The following PRKN variants were observed in gnomAD, a reference collection of about 807,000 sequenced individuals.
PRKN encodes parkin RBR E3 ubiquitin protein ligase.
A neutral mutation model predicts 59.5 loss-of-function variants in PRKN; 56 were observed. The observed-to-expected ratio is 0.94, with a 90% CI of 0.76 to 1.18. The LOEUF (loss-of-function observed/expected upper bound fraction) is 1.18. Among genes scored for constraint, PRKN ranks in the 50% most tolerant of loss-of-function variants. PRKN has a pLI of 0.00. For missense variants in PRKN, 657 were observed against 596.4 expected, an observed-to-expected ratio of 1.10 and a Z score of -1.06; for synonymous variants, 250 against 222.1, an observed-to-expected ratio of 1.13 and a Z score of -1.12.
intron 1 of PRKN, among the ~76,000 whole-genome samples, chr6:162,591,857 G>A (rs1397952117): frequency 6.7e-6 from 1 of 148,474 alleles, no homozygotes; most frequent in Non-Finnish European, 1.5e-5. Context: ...GTGATATTCT[G>A]ACCCACATTC....
In PRKN at chr6:161,498,019, T is replaced by G. The variant is rs1213541545; in HGVS notation, c.1083+50835A>C. Among the ~76,000 whole-genome samples the G allele has an allele frequency of 6.6e-6, 1 of 152,226 alleles. No individual in the cohort carries two copies. The highest frequency in any genetic ancestry group is 1.5e-5 in the Non-Finnish European group (1 of 68,042). On this transcript the variant is annotated intron_variant, in intron 9 of 11. Transcript: ENST00000366898. The surrounding 1 kb of genome is among the most constrained non-coding windows in gnomAD (Gnocchi z 4.2). ...GCTTCCATGAGGGGATATTTGTTCT[T>G]CAATAGATGGGTCTAATTTTCCACA... is the stretch of plus-strand genomic sequence containing the variant.
At chr6:162,475,443 G>C (rs4709626) in intron 1 of PRKN, among the ~76,000 whole-genome samples, 1 of 151,482 alleles carries the variant, frequency 6.6e-6, no homozygotes, top group African/African-American at 2.4e-5. Flanking sequence ...GAAACTTGGA[G>C]GAGGAACAAA....
rs968770688 is a variant in PRKN, at chr6:161,347,583, T to A, written c.*2516A>T. ...TGTGCAAATAATACTGTGATTCATG[T>A]TCATGTGTAGTGGATGATCTTGCTT... is the stretch of plus-strand genomic sequence containing the variant. On this transcript the variant is annotated 3_prime_UTR_variant, in exon 12 of 12. Transcript: ENST00000366898. The A allele has an allele frequency of 1.3e-5, 2 of 152,040 alleles. No homozygotes were observed. Among genetic ancestry groups the A allele is most frequent in the African/African-American group, 4.8e-5 (2 of 41,390 alleles). 9.4% of individuals were successfully genotyped at this position (152,040 alleles called of 1,614,324 possible).
intron 2 of PRKN, among the ~76,000 whole-genome samples, chr6:162,268,075 TAA>T (rs1243279347): frequency 6.6e-6 from 1 of 152,132 alleles, no homozygotes; most frequent in Non-Finnish European, 1.5e-5. Flanking sequence ...ATGTTAATAA[TAA>T]AAAACATATA....
intron 6 of PRKN, among the ~76,000 whole-genome samples, chr6:161,824,381 C>T (rs1392777533): frequency 2.0e-5 from 3 of 152,196 alleles, no homozygotes; most frequent in African/African-American, 7.2e-5. Context: ...AGGCCTTGTG[C>T]ATAAACACAA....
intron 4 of PRKN, among the ~76,000 whole-genome samples, chr6:162,146,328 G>A (rs971547362): frequency 6.6e-6 from 1 of 151,820 alleles, no homozygotes; most frequent in East Asian, 1.9e-4. Flanking sequence ...ATTTTTGGGG[G>A]TAATATCCAG....
At chr6:161,994,362 G>A (rs80126182) in intron 5 of PRKN, among the ~76,000 whole-genome samples, 11,993 of 151,990 alleles carry the variant, frequency 0.079, 533 homozygotes, top group Middle Eastern at 0.11. Flanking sequence ...AGGCATAGAA[G>A]GAACATACCT....
chr6:162,571,604 C>T (rs1289440318), intron 1 of PRKN, among the ~76,000 whole-genome samples: 2 of 152,010 alleles, frequency 1.3e-5, no homozygotes, highest in African/African-American at 4.8e-5. Flanking sequence ...GACTTCCCCA[C>T]ACGAGAAAAC....
At chr6:162,482,700 G>A (rs1008194868) in intron 1 of PRKN, among the ~76,000 whole-genome samples, 1 of 152,148 alleles carries the variant, frequency 6.6e-6, no homozygotes, top group African/African-American at 2.4e-5. Context: ...ATAAATGAAA[G>A]CAGAGAAAAG....
At chr6:161,553,745 A>C (rs1293993436) in intron 8 of PRKN, among the ~76,000 whole-genome samples, 3 of 152,310 alleles carry the variant, frequency 2.0e-5, no homozygotes, top group African/African-American at 7.2e-5. Context: ...CATAAACTTA[A>C]ACATATTATG....
At chr6:162,709,971 G>A (rs2128238404) in intron 1 of PRKN, among the ~76,000 whole-genome samples, 1 of 152,272 alleles carries the variant, frequency 6.6e-6, no homozygotes, top group East Asian at 1.9e-4. Flanking sequence ...AGATTGAAAT[G>A]AGTATGTAAA....
At chr6:161,899,213 T>C (rs1480589110) in intron 6 of PRKN, among the ~76,000 whole-genome samples, 3 of 152,222 alleles carry the variant, frequency 2.0e-5, no homozygotes, top group Non-Finnish European at 2.9e-5. Flanking sequence ...TTCAGGGAGA[T>C]ATTTGCATAA....
chr6:162,200,608 A>G (rs1784685460), intron 4 of PRKN, among the ~76,000 whole-genome samples: 1 of 152,196 alleles, frequency 6.6e-6, no homozygotes, highest in African/African-American at 2.4e-5. Flanking sequence ...TGGCCACAGC[A>G]GACTTCAGTT....
intron 2 of PRKN, among the ~76,000 whole-genome samples, chr6:162,396,590 C>G (rs1787486003): frequency 6.6e-6 from 1 of 152,104 alleles, no homozygotes; most frequent in African/African-American, 2.4e-5. Flanking sequence ...GGTCCCACAT[C>G]GAGCAGACCC....
intron 5 of PRKN, among the ~76,000 whole-genome samples, chr6:162,046,922 A>T (rs11755670): frequency 0.079 from 12,059 of 152,004 alleles, 508 homozygotes; most frequent in African/African-American, 0.11. Context: ...AAAACAAGAA[A>T]TTTTTTGTTA....
chr6:161,457,991 C>A lies in PRKN; in HGVS notation c.1084-71114G>T, dbSNP rs571238652. The stretch of plus-strand genomic sequence containing the variant: ...GACACAAGCTGAACTGTCATGCAGA[C>A]AATGACCGCCTTCTGATTTACTTGG... On this transcript the variant is annotated intron_variant, in intron 9 of 11. Transcript: ENST00000366898. This position sits in a 1 kb window ranked among gnomAD's most constrained non-coding sequence, Gnocchi z 5.0. Among the ~76,000 whole-genome samples the A allele has an allele frequency of 9.5e-4, 144 of 152,222 alleles. No individual in the cohort carries two copies. The highest frequency in any genetic ancestry group is 1.8e-3 in the Non-Finnish European group (122 of 68,008).
intron 6 of PRKN, among the ~76,000 whole-genome samples, chr6:161,872,968 T>TTTTTC (rs1794405333): frequency 6.7e-6 from 1 of 149,464 alleles, no homozygotes; most frequent in South Asian, 2.1e-4. Context: ...TGACTTTTTT[T>TTTTTC]TTTTTTCCAA....
At chr6:162,419,402 G>T (rs145881783) in intron 2 of PRKN, among the ~76,000 whole-genome samples, 105 of 152,280 alleles carry the variant, frequency 6.9e-4, no homozygotes, top group African/African-American at 2.5e-3. Flanking sequence ...TTAAGAAGAC[G>T]TTTACATGCA....
At chr6:162,654,257 T>C (rs1043545979) in intron 1 of PRKN, among the ~76,000 whole-genome samples, 2 of 152,216 alleles carry the variant, frequency 1.3e-5, no homozygotes. Flanking sequence ...GCCATGTTCA[T>C]ACACATGTTT....
Sources: gnomAD v4.1 joint callset for allele counts (sites outside exome capture counted in the v4.1 genomes callset) on GRCh38, gnomAD v4.1.1 for gene constraint, Gnocchi (gnomAD v3.1) non-coding constraint, MANE v1.5 for transcripts, NCBI Gene and HGNC (gene_info 2026-07-23, HGNC 2026-07-21) for gene names.